Variants in NPAS4 observed in about 807,000 individuals in gnomAD.
NPAS4 encodes neuronal PAS domain-containing protein 4.
Under a neutral mutation model 64.0 loss-of-function variants are expected in NPAS4, and 10 were observed. The observed-to-expected ratio is 0.16, with a 90% CI of 0.10 to 0.26. The LOEUF is 0.26. Ranked by LOEUF, NPAS4 falls within the 10% of genes least tolerant of loss-of-function variation. The pLI, the probability that NPAS4 is intolerant of heterozygous loss-of-function variation, is 1.00. For missense variants in NPAS4, 886 were observed against 992.6 expected, an observed-to-expected ratio of 0.89 and a Z score of 1.44; for synonymous variants, 441 against 411.7, an observed-to-expected ratio of 1.07 and a Z score of -0.86.
At chr11:66,423,358 T>A in intron 5 of NPAS4, 126 bp downstream of exon 5, 1 of 814,472 alleles carries the variant, frequency 1.2e-6, no homozygotes, top group Non-Finnish European at 2.1e-6. Context: ...TTTCGGATGC[T>A]ATAGGGTGAA....
chr11:66,423,646 T>A lies in NPAS4; in HGVS notation c.877T>A (p.Trp293Arg), dbSNP rs200310338. The change falls in exon 6 of 8, where the codon TGG (tryptophan) becomes AGG (arginine). Residue 293 changes from tryptophan to arginine, a missense_variant. Physicochemically the swap from Trp to Arg is moderately radical, Grantham distance 101. Around this residue, in one of 3 missense-constraint regions of NPAS4, gnomAD observed 820 missense variants for 855.5 expected, o/e 0.96. Transcript: ENST00000311034. ...RLQAKTGGWA[W>R]IYCLLYSEGP... ...ACAGGCCAAGACTGGAGGCTGGGCA[T>A]GGATTTACTGCCTGTTATACTCAGA... 399 of 1,614,140 alleles carry A rather than the reference T, an allele frequency of 2.5e-4. No homozygotes were observed. The highest frequency in any genetic ancestry group is 3.5e-4 in the Admixed American group (21 of 60,026).
Position 66,422,191 on chromosome 11 carries a change from G to A in NPAS4, c.247G>A (p.Gly83Ser), listed in dbSNP as rs1412743010. 6.2e-7 allele frequency: 1 copy of A among 1,614,026 alleles called. No homozygotes were observed. ...ELEDIVAALP[G>S]FLLVFTAEGK... ...TGAGGACATCGTAGCGGCACTACCC[G>A]GCTTTCTGCTTGTGTTCACAGCCGA... The change falls in exon 2 of 8, where the codon GGC (glycine) becomes AGC (serine). Residue 83 changes from glycine to serine, a missense_variant. Gly to Ser is a moderately conservative substitution (Grantham distance 56). Coordinates refer to ENST00000311034, the MANE Select transcript of NPAS4 (RefSeq NM_178864.4).
Position 66,422,484 on chromosome 11 carries a change from G to A in NPAS4, c.361G>A (p.Asp121Asn), listed in dbSNP as rs142212942. 1.9e-6 allele frequency: 3 copies of A among 1,613,914 alleles called. No individual in the cohort carries two copies. Among genetic ancestry groups the A allele is most frequent in the Non-Finnish European group, 2.5e-6 (3 of 1,179,956 alleles). The change falls in exon 3 of 8, where the codon GAC becomes AAC. Residue 121 changes from aspartate (D) to asparagine (N), a missense_variant. This residue lies in a region of NPAS4 where 820 missense variants were observed against 855.5 expected (regional missense o/e 0.96). Transcript: ENST00000311034. ...GGTTGCCCAGGGTGACAGCATCTAC[G>A]ACATCATTGACCCAGCTGACCACCT... ...DLVAQGDSIY[D>N]IIDPADHLTV... is the part of the protein sequence containing the mutation.
At chr11:66,412,758 C>T in the NPAS4 span, among the ~76,000 whole-genome samples, 4 of 152,164 alleles carry the variant, frequency 2.6e-5, no homozygotes, top group African/African-American at 9.7e-5. Context: ...CTTAACTGAC[C>T]GATGTCACAA....
At chr11:66,412,863 C>T in the NPAS4 span, among the ~76,000 whole-genome samples, 27 of 152,256 alleles carry the variant, frequency 1.8e-4, no homozygotes, top group African/African-American at 5.5e-4. Flanking sequence ...GGCCTTTCCA[C>T]GTGGACCGTG....
In NPAS4 at chr11:66,421,042, G is replaced by A; in HGVS notation, c.-138G>A. 2.8e-6 allele frequency: 2 copies of A among 722,556 alleles called. No individual in the cohort carries two copies. The highest frequency in any genetic ancestry group is 4.5e-6 in the Non-Finnish European group (2 of 446,356). The allele number at this position is 722,556 out of a possible 1,614,324, so 44.8% of individuals were successfully genotyped here. The stretch of plus-strand genomic sequence containing the variant: ...GCGTGAGGCAGGCGAGGGGGGCAGC[G>A]CAGCCGAGCGGAGCCCAGGAGAGCA... On this transcript the variant is annotated 5_prime_UTR_variant, in exon 1 of 8. Coordinates refer to ENST00000311034, the MANE Select transcript of NPAS4 (RefSeq NM_178864.4).
At chr11:66,418,463 A>C (rs187866334), upstream of NPAS4, among the ~76,000 whole-genome samples, 1 of 152,116 alleles carries the variant, frequency 6.6e-6, no homozygotes, top group Non-Finnish European at 1.5e-5. Flanking sequence ...GCACAGTTAA[A>C]AATAGCTTCA....
Position 66,424,408 on chromosome 11 carries a change from C to A in NPAS4, c.1518C>A (p.Ser506=), listed in dbSNP as rs145120231. ...AAGACCAGTTGACTCCCTGCACCTC[C>A]ACCTTCCCAGACCAGCTGCTTCCCA... ...SYEDQLTPCT[S]TFPDQLLPST... The change falls in exon 7 of 8, where the codon TCC becomes TCA. Residue 506 remains serine, a synonymous_variant. Coordinates refer to ENST00000311034, the MANE Select transcript of NPAS4 (RefSeq NM_178864.4). 69 of 1,614,010 alleles carry A rather than the reference C, an allele frequency of 4.3e-5. No homozygotes were observed. The highest frequency in any genetic ancestry group is 5.5e-5 in the Non-Finnish European group (65 of 1,180,012).
rs1229206828 is a variant in NPAS4 at position 66,426,019 on chromosome 11, T to G, written c.*30T>G. 1 of 1,583,814 alleles carries G rather than the reference T, an allele frequency of 6.3e-7. No homozygotes were observed. The highest frequency in any genetic ancestry group is 1.1e-5 in the South Asian group (1 of 90,456). On this transcript the variant is annotated 3_prime_UTR_variant, in exon 8 of 8. Transcript: ENST00000311034. Reference sequence around the variant, plus strand: ...GTCTGTGACTTAACGTCGTCAAGTATGGCATATTGTCATCAAGACGTGGAG... The same window carrying G: ...GTCTGTGACTTAACGTCGTCAAGTAGGGCATATTGTCATCAAGACGTGGAG...
upstream of NPAS4, among the ~76,000 whole-genome samples, chr11:66,419,104 G>T (rs973196778): frequency 4.1e-4 from 63 of 152,250 alleles, no homozygotes; most frequent in African/African-American, 1.5e-3. Flanking sequence ...TTGAGAGAGG[G>T]GTGGGTAGGT....
chr11:66,424,267 G>T lies in NPAS4; in HGVS notation c.1377G>T (p.Leu459=). 1 of 1,614,118 alleles carries T rather than the reference G, an allele frequency of 6.2e-7. No individual in the cohort carries two copies. The highest frequency in any genetic ancestry group is 8.5e-7 in the Non-Finnish European group (1 of 1,180,034). ...CATCCAGCACTCTTCAAGAACAGCT[G>T]ACTCCAAGCACTGCGACCTTCTCTG... ...PTPSSTLQEQ[L]TPSTATFSDQ... Residue 459 remains leucine, a synonymous_variant, in exon 7 of 8, where the codon CTG becomes CTT. Transcript: ENST00000311034.
upstream of NPAS4, among the ~76,000 whole-genome samples, chr11:66,419,697 T>TG (rs879644421): frequency 9.4e-4 from 61 of 64,982 alleles, no homozygotes; most frequent in Non-Finnish European, 1.4e-3. Flanking sequence ...AGCGGGTGTG[T>TG]GGGGGGGTGG....
intron 1 of NPAS4, 93 bp downstream of exon 1, chr11:66,421,447 C>T: frequency 8.4e-7 from 1 of 1,185,822 alleles, no homozygotes; most frequent in Non-Finnish European, 1.2e-6. Flanking sequence ...ATGTCTAGGG[C>T]AGCGTGCTGG....
At position 66,424,341 on chromosome 11, in the gene NPAS4, C is replaced by T; in HGVS notation, c.1451C>T (p.Pro484Leu). The change falls in exon 7 of 8, where the codon CCA (proline) becomes CTA (leucine). Residue 484 changes from proline to leucine, a missense_variant. Transcript: ENST00000311034. ...ACCTTCCCAGATCCACTAACTAGCC[C>T]ACTGCAAGGCCAGTTGACTGAAACC... ...SATFPDPLTS[P>L]LQGQLTETSV... is the part of the protein sequence containing the mutation. 6.2e-7 allele frequency: 1 copy of T among 1,614,100 alleles called. No individual in the cohort carries two copies. Among genetic ancestry groups the T allele is most frequent in the Non-Finnish European group, 8.5e-7 (1 of 1,180,006 alleles).
At position 66,424,903 on chromosome 11, in the gene NPAS4, C is replaced by T. The variant is rs771923246; in HGVS notation, c.2013C>T (p.Asn671=). Residue 671 remains asparagine (N), a synonymous_variant, in exon 7 of 8, where the codon AAC becomes AAT. Transcript: ENST00000311034. Reference sequence around the variant, plus strand: ...GAGGACTGGAGCCCCTGGACTCCAACCTGTCCCTGTCAGGGGCAGGCCCCC... The same window carrying T: ...GAGGACTGGAGCCCCTGGACTCCAATCTGTCCCTGTCAGGGGCAGGCCCCC... The part of the protein sequence containing the change: ...PLGGLEPLDS[N]LSLSGAGPPV... 4.8e-5 allele frequency: 77 copies of T among 1,613,650 alleles called. No individual in the cohort carries two copies. The South Asian group carries it at 8.0e-4, about 17-fold the overall frequency.
Position 66,424,562 on chromosome 11 carries a change from A to G in NPAS4, c.1672A>G (p.Thr558Ala). The G allele has an allele frequency of 6.2e-7, 1 of 1,614,042 alleles. No homozygotes were observed. The highest frequency in any genetic ancestry group is 2.2e-5 in the East Asian group (1 of 44,864). The change falls in exon 7 of 8, where the codon ACC becomes GCC. Residue 558 changes from threonine to alanine, a missense_variant. Transcript: ENST00000311034. The part of the protein sequence containing the change: ...TFPEQLSPNP[T>A]KTYFAQEGCS... ...CCCAGAGCAACTGAGCCCCAACCCT[A>G]CCAAGACTTACTTTGCCCAGGAGGG...
At position 66,424,583 on chromosome 11, in the gene NPAS4, G is replaced by A; in HGVS notation, c.1693G>A (p.Glu565Lys). Reference sequence around the variant, plus strand: ...CCCTACCAAGACTTACTTTGCCCAGGAGGGATGCAGTTTTCTCTATGAGAA... The same window carrying A: ...CCCTACCAAGACTTACTTTGCCCAGAAGGGATGCAGTTTTCTCTATGAGAA... ...PNPTKTYFAQ[E>K]GCSFLYEKLP... The change falls in exon 7 of 8, where the codon GAG (glutamate) becomes AAG (lysine). Residue 565 changes from glutamate (E) to lysine (K), a missense_variant. By Grantham distance (56) the Glu-to-Lys change is moderately conservative. This residue lies in a region of NPAS4 where 820 missense variants were observed against 855.5 expected (regional missense o/e 0.96). Transcript: ENST00000311034. 6.2e-7 allele frequency: 1 copy of A among 1,614,178 alleles called. No homozygotes were observed. Among genetic ancestry groups the A allele is most frequent in the Non-Finnish European group, 8.5e-7 (1 of 1,180,034 alleles).
chr11:66,422,591 C>A, intron 3 of NPAS4, 38 bp downstream of exon 3: 1 of 1,600,142 alleles, frequency 6.2e-7, no homozygotes, highest in Non-Finnish European at 8.6e-7. Context: ...TCCAATTTCC[C>A]ACCTGCTGCC....
chr11:66,412,809 C>T, the NPAS4 span, among the ~76,000 whole-genome samples: 1 of 152,160 alleles, frequency 6.6e-6, no homozygotes, highest in African/African-American at 2.4e-5. Flanking sequence ...CCAGATTCTC[C>T]TCCCCCGCCA....
Sources: gnomAD v4.1 joint callset for allele counts (sites outside exome capture counted in the v4.1 genomes callset) on GRCh38, gnomAD v4.1.1 for gene constraint, gnomAD v4.1.1 regional missense constraint, MANE v1.5 for transcripts, NCBI Gene and HGNC (gene_info 2026-07-23, HGNC 2026-07-21) for gene names.